RPS6KC1: variants seen among roughly 807,000 people sequenced by gnomAD.
RPS6KC1 encodes inactive ribosomal protein S6 kinase delta-1.
In RPS6KC1, 54 loss-of-function variants were observed where a neutral mutation model predicts 103.8. The ratio of observed to expected loss-of-function variants is 0.52; its 90% CI spans 0.42 to 0.65. RPS6KC1 has a LOEUF of 0.65. Ranked by LOEUF, RPS6KC1 falls within the 30% of genes least tolerant of loss-of-function variation. The pLI is 0.00. For synonymous variants in RPS6KC1, 439 were observed against 438.7 expected, an observed-to-expected ratio of 1.00 and a Z score of -0.01; for missense variants, 1,151 against 1,253.8, an observed-to-expected ratio of 0.92 and a Z score of 1.24.
intron 6 of RPS6KC1, among the ~76,000 whole-genome samples, chr1:213,154,679 G>A (rs933076959): frequency 1.3e-5 from 2 of 152,220 alleles, no homozygotes; most frequent in African/African-American, 4.8e-5. Context: ...GGGCAGGTCC[G>A]GAAATGCTGT....
the RPS6KC1 span, among the ~76,000 whole-genome samples, chr1:213,288,977 A>G: frequency 6.6e-6 from 1 of 152,148 alleles, no homozygotes; most frequent in South Asian, 2.1e-4. Context: ...GACACAGAAC[A>G]TGGAACTCTT....
the RPS6KC1 span, among the ~76,000 whole-genome samples, chr1:213,629,297 T>C: frequency 6.6e-6 from 1 of 152,052 alleles, no homozygotes; most frequent in Non-Finnish European, 1.5e-5. Flanking sequence ...TTTAGGATAG[T>C]TAGCTCTTCT....
At chr1:213,236,953 C>G (rs1355781308) in intron 10 of RPS6KC1, among the ~76,000 whole-genome samples, 5 of 151,906 alleles carry the variant, frequency 3.3e-5, no homozygotes, top group Non-Finnish European at 5.9e-5. Context: ...TAAAAATTAT[C>G]CCTCCCTATT....
At chr1:213,292,036 T>C in the RPS6KC1 span, among the ~76,000 whole-genome samples, 5 of 150,070 alleles carry the variant, frequency 3.3e-5, no homozygotes, top group African/African-American at 1.2e-4. Flanking sequence ...TTCTCATAGG[T>C]GGGAATTGAA....
chr1:213,813,278 G>A, the RPS6KC1 span, among the ~76,000 whole-genome samples: 3 of 151,942 alleles, frequency 2.0e-5, no homozygotes, highest in African/African-American at 7.2e-5. Context: ...GGAGTGCAAT[G>A]GCATGATCTC....
intron 8 of RPS6KC1, among the ~76,000 whole-genome samples, chr1:213,218,468 G>A (rs988687775): frequency 2.6e-5 from 4 of 152,172 alleles, no homozygotes; most frequent in Non-Finnish European, 5.9e-5. Context: ...TAGATTCAAT[G>A]CCATCCTCAT....
chr1:213,638,372 A>G, the RPS6KC1 span, among the ~76,000 whole-genome samples: 1 of 152,102 alleles, frequency 6.6e-6, no homozygotes, highest in Non-Finnish European at 1.5e-5. Context: ...GATAAACTCT[A>G]ATCTTTCAGT....
chr1:213,853,005 C>T, the RPS6KC1 span, among the ~76,000 whole-genome samples: 1 of 152,138 alleles, frequency 6.6e-6, no homozygotes, highest in Non-Finnish European at 1.5e-5. Context: ...ATTTTCTCTC[C>T]AATCTGTATC....
chr1:213,295,067 G>T, the RPS6KC1 span, among the ~76,000 whole-genome samples: 1 of 152,186 alleles, frequency 6.6e-6, no homozygotes, highest in African/African-American at 2.4e-5. Context: ...CTGCTACTTG[G>T]TTTGAAAATC....
At chr1:213,350,640 A>G in the RPS6KC1 span, among the ~76,000 whole-genome samples, 4 of 152,210 alleles carry the variant, frequency 2.6e-5, no homozygotes, top group African/African-American at 9.7e-5. Flanking sequence ...AGTTGGAATG[A>G]TTATTAAAAA....
the RPS6KC1 span, chr1:213,820,548 A>G: frequency 6.6e-6 from 1 of 152,240 alleles, no homozygotes; most frequent in Admixed American, 6.5e-5. Context: ...GCTTTGTCAG[A>G]GAGCCTCTAG....
At chr1:213,752,332 C>CA in the RPS6KC1 span, among the ~76,000 whole-genome samples, 1 of 151,248 alleles carries the variant, frequency 6.6e-6, no homozygotes, top group African/African-American at 2.4e-5. Flanking sequence ...ATCACAGGAC[C>CA]AAAAACAGTC....
chr1:213,399,579 G>T, the RPS6KC1 span, among the ~76,000 whole-genome samples: 1 of 152,050 alleles, frequency 6.6e-6, no homozygotes, highest in Non-Finnish European at 1.5e-5. Context: ...TAGCTACACT[G>T]AGAGCTTCTT....
the RPS6KC1 span, among the ~76,000 whole-genome samples, chr1:213,648,011 C>T: frequency 6.6e-6 from 1 of 152,096 alleles, no homozygotes; most frequent in Non-Finnish European, 1.5e-5. Context: ...TGAATACTTG[C>T]TTGTTATCAT....
intron 8 of RPS6KC1, among the ~76,000 whole-genome samples, chr1:213,207,638 T>C (rs1454096712): frequency 6.6e-6 from 1 of 152,138 alleles, no homozygotes; most frequent in Admixed American, 6.5e-5. Flanking sequence ...GTGGCTCCCC[T>C]GCACATGTGC....
chr1:213,375,493 A>G, the RPS6KC1 span, among the ~76,000 whole-genome samples: 2 of 152,178 alleles, frequency 1.3e-5, no homozygotes, highest in Non-Finnish European at 2.9e-5. Flanking sequence ...ATAATAGAAA[A>G]TTTGGGGGAA....
the RPS6KC1 span, among the ~76,000 whole-genome samples, chr1:213,406,512 G>A: frequency 6.6e-6 from 1 of 152,152 alleles, no homozygotes; most frequent in Admixed American, 6.5e-5. Flanking sequence ...GGTGGGATGG[G>A]AGGCCCCTGG....
intron 6 of RPS6KC1, among the ~76,000 whole-genome samples, chr1:213,130,749 G>A (rs909230857): frequency 6.6e-6 from 1 of 152,068 alleles, no homozygotes; most frequent in African/African-American, 2.4e-5. Flanking sequence ...GTCTGTATAT[G>A]GAGGGTCCTA....
At chr1:213,122,945 C>A (rs368502495) in intron 5 of RPS6KC1, among the ~76,000 whole-genome samples, 7 of 152,140 alleles carry the variant, frequency 4.6e-5, no homozygotes, top group African/African-American at 1.4e-4. Context: ...TTGACTCTTA[C>A]AAATTCTAGG....
Sources: allele counts gnomAD v4.1 joint callset (sites outside exome capture counted in the v4.1 genomes callset), GRCh38; gene constraint gnomAD v4.1.1; transcripts MANE v1.5; gene names NCBI Gene and HGNC (gene_info 2026-07-23, HGNC 2026-07-21).